The following ACTR3 variants were observed in gnomAD, a reference collection of about 807,000 sequenced individuals.
ACTR3 encodes the protein actin related protein 3, also known as actin-related protein 3.
In ACTR3, 12 loss-of-function variants were observed where a neutral mutation model predicts 56.8. The observed-to-expected ratio is 0.21, with a 90% CI of 0.14 to 0.34. ACTR3 has a LOEUF of 0.34. Among genes scored for constraint, ACTR3 ranks in the 10% least tolerant of loss-of-function variants. The pLI, the probability that ACTR3 is intolerant of heterozygous loss-of-function variation, is 1.00. For synonymous variants in ACTR3, 162 were observed against 167.4 expected, an observed-to-expected ratio of 0.97 and a Z score of 0.25; for missense variants, 282 against 512.5, an observed-to-expected ratio of 0.55 and a Z score of 4.34.
Position 113,957,345 on chromosome 2 carries a change from A to C in ACTR3, c.1162-15A>C. ...ATTTTTGACCCTTATAAAAATACATATTTTTTGTTTTCAGCCTGAGTTCTA... is the reference window on the plus strand; with the variant it reads ...ATTTTTGACCCTTATAAAAATACATCTTTTTTGTTTTCAGCCTGAGTTCTA... On this transcript the variant is annotated splice_polypyrimidine_tract_variant and intron_variant, in intron 11 of 11. Transcript: ENST00000263238. 6.3e-7 allele frequency: 1 copy of C among 1,597,908 alleles called. No homozygotes were observed. The highest frequency in any genetic ancestry group is 8.6e-7 in the Non-Finnish European group (1 of 1,165,918).
intron 1 of ACTR3, among the ~76,000 whole-genome samples, chr2:113,894,265 G>A (rs1678962079): frequency 6.6e-6 from 1 of 151,990 alleles, no homozygotes. Flanking sequence ...GCTAAATTTT[G>A]TATTTTTAGT....
At chr2:113,940,202 T>C in intron 7 of ACTR3, 100 bp downstream of exon 7, 1 of 1,062,702 alleles carries the variant, frequency 9.4e-7, no homozygotes, top group Non-Finnish European at 1.3e-6. Flanking sequence ...CTTGAAATAA[T>C]CTTGTTAACC....
chr2:113,935,332 C>A (rs1679807435), intron 6 of ACTR3, among the ~76,000 whole-genome samples: 2 of 152,188 alleles, frequency 1.3e-5, no homozygotes, highest in South Asian at 4.1e-4. Context: ...TACAAAGGAA[C>A]CCTGTAACTA....
intron 2 of ACTR3, among the ~76,000 whole-genome samples, chr2:113,913,549 C>T (rs1380511137): frequency 1.3e-5 from 2 of 152,122 alleles, no homozygotes; most frequent in African/African-American, 4.8e-5. Context: ...TCAAGTAGTC[C>T]ATTCCCCATC....
chr2:113,915,487 C>G (rs1172410966), intron 2 of ACTR3, among the ~76,000 whole-genome samples: 9 of 152,206 alleles, frequency 5.9e-5, no homozygotes, highest in Non-Finnish European at 1.3e-4. Context: ...TTCTGAGGTA[C>G]TGGCGGTTAG....
At chr2:113,898,442 A>G (rs1216207701) in intron 1 of ACTR3, among the ~76,000 whole-genome samples, 1 of 152,090 alleles carries the variant, frequency 6.6e-6, no homozygotes, top group East Asian at 1.9e-4. Context: ...GTTCTCTTAA[A>G]TTTTCTTGTG....
intron 1 of ACTR3, among the ~76,000 whole-genome samples, chr2:113,894,416 C>T (rs1357494373): frequency 6.6e-6 from 1 of 152,192 alleles, no homozygotes; most frequent in Non-Finnish European, 1.5e-5. Context: ...CTTTAGCCAT[C>T]TCCAAAGGCA....
Position 113,890,121 on chromosome 2 carries a change from C to G in ACTR3, c.-159C>G, listed in dbSNP as rs1437800125. 1.1e-6 allele frequency: 1 copy of G among 871,284 alleles called. No homozygotes were observed. The highest frequency in any genetic ancestry group is 1.7e-5 in the African/African-American group (1 of 58,874). The allele number at this position is 871,284 out of a possible 1,614,324, so 54.0% of individuals were successfully genotyped here. On this transcript the variant is annotated 5_prime_UTR_variant, in exon 1 of 12. Transcript: ENST00000263238. The stretch of plus-strand genomic sequence containing the variant: ...AAGTGATAGCCGCCGACCGAGCCTG[C>G]TGCTTTCTTGCTACTGCTTCGGCTT...
chr2:113,898,565 T>G (rs1055591555), intron 1 of ACTR3, among the ~76,000 whole-genome samples: 2 of 152,206 alleles, frequency 1.3e-5, no homozygotes, highest in African/African-American at 4.8e-5. Flanking sequence ...CTTCAGTGTT[T>G]CGTTGTAATG....
chr2:113,945,909 C>G (rs770884554), intron 8 of ACTR3, among the ~76,000 whole-genome samples: 3 of 152,146 alleles, frequency 2.0e-5, no homozygotes, highest in Non-Finnish European at 4.4e-5. Context: ...GTTTTCTGTT[C>G]TTGCACTGGT....
intron 6 of ACTR3, among the ~76,000 whole-genome samples, chr2:113,936,125 C>G (rs1419135083): frequency 1.3e-5 from 2 of 151,862 alleles, no homozygotes; most frequent in Non-Finnish European, 2.9e-5. Context: ...AACCCTGTCT[C>G]TACAAAAAAT....
At chr2:113,950,614 A>G (rs956599503) in intron 8 of ACTR3, among the ~76,000 whole-genome samples, 2 of 152,246 alleles carry the variant, frequency 1.3e-5, no homozygotes, top group African/African-American at 4.8e-5. Flanking sequence ...TATTTATTTC[A>G]TCCCCTATTG....
chr2:113,949,394 G>GAAAAAAAAAAAAAAA (rs562713600), intron 8 of ACTR3, among the ~76,000 whole-genome samples: 1 of 108,858 alleles, frequency 9.2e-6, no homozygotes. Flanking sequence ...AAAAAAAAAA[G>GAAAAAAAAAAAAAAA]AAAAAAAAAA....
intron 8 of ACTR3, among the ~76,000 whole-genome samples, chr2:113,943,820 T>C (rs370003306): frequency 5.9e-5 from 9 of 152,130 alleles, no homozygotes; most frequent in African/African-American, 2.2e-4. Flanking sequence ...TTTAAAAGGT[T>C]CAAAAACAAA....
intron 8 of ACTR3, among the ~76,000 whole-genome samples, chr2:113,947,682 T>C (rs1680045814): frequency 6.6e-6 from 1 of 152,148 alleles, no homozygotes; most frequent in Non-Finnish European, 1.5e-5. Context: ...GCTTTAGATA[T>C]GTAAATAAAA....
chr2:113,943,538 A>G (rs1277064823), intron 8 of ACTR3, among the ~76,000 whole-genome samples: 3 of 152,190 alleles, frequency 2.0e-5, no homozygotes, highest in Non-Finnish European at 4.4e-5. Flanking sequence ...CAGAGGTGTG[A>G]ATTGTGTTGG....
rs1389772743 is a variant in ACTR3 at position 113,890,200 on chromosome 2, C to A, written c.-80C>A. On this transcript the variant is annotated 5_prime_UTR_variant, in exon 1 of 12. Transcript: ENST00000263238. ...GCCCAGCTGTGGATGGTCAGATAGCCCTTGTCTCCCGCCGCCAATCTCTGG... is the reference window on the plus strand; with the variant it reads ...GCCCAGCTGTGGATGGTCAGATAGCACTTGTCTCCCGCCGCCAATCTCTGG... 6.5e-7 allele frequency: 1 copy of A among 1,538,358 alleles called. No individual in the cohort carries two copies. The highest frequency in any genetic ancestry group is 1.4e-5 in the African/African-American group (1 of 72,754).
intron 8 of ACTR3, among the ~76,000 whole-genome samples, chr2:113,950,550 C>T (rs190805451): frequency 3.3e-5 from 5 of 152,186 alleles, no homozygotes; most frequent in South Asian, 2.1e-4. Context: ...TATGTTTTAG[C>T]GATTAGGTAA....
rs912466999 is a variant in ACTR3, at chr2:113,961,949, G to A, written c.*4494G>A. 7 of 151,886 alleles carry A rather than the reference G, an allele frequency of 4.6e-5. No individual in the cohort carries two copies. Among genetic ancestry groups the A allele is most frequent in the Non-Finnish European group, 7.4e-5 (5 of 67,870 alleles). 9.4% of individuals were successfully genotyped at this position (151,886 alleles called of 1,614,324 possible). ...ATCCAACAACAGATGAAAGTAATTC[G>A]ACAGTAGCATCTGCTTTATTCATTT... On this transcript the variant is annotated 3_prime_UTR_variant, in exon 12 of 12. Coordinates refer to ENST00000263238, the MANE Select transcript of ACTR3 (RefSeq NM_005721.5).
Sources: gnomAD v4.1 joint callset for allele counts (sites outside exome capture counted in the v4.1 genomes callset) on GRCh38, gnomAD v4.1.1 for gene constraint, MANE v1.5 for transcripts, NCBI Gene and HGNC (gene_info 2026-07-23, HGNC 2026-07-21) for gene names.